Variants in LRRIQ3 observed in about 807,000 individuals in gnomAD.
LRRIQ3 encodes leucine-rich repeat and IQ domain-containing protein 3.
Under a neutral mutation model 59.3 loss-of-function variants are expected in LRRIQ3, and 75 were observed. That is an observed-to-expected ratio of 1.26 (90% CI 1.05 to 1.53). LRRIQ3 has a LOEUF of 1.53. LRRIQ3 is among the 40% of genes most tolerant of loss of function. The probability of loss-of-function intolerance (pLI) is 0.00; values close to 1 mark genes in which losing one functional copy is unlikely to be tolerated. For synonymous variants in LRRIQ3, 250 were observed against 231.3 expected (o/e 1.08, Z -0.73); for missense variants, 831 against 710.0 (o/e 1.17, Z -1.94).
At chr1:74,094,337 T>A (rs576361744) in intron 5 of LRRIQ3, among the ~76,000 whole-genome samples, 1 of 152,124 alleles carries the variant, frequency 6.6e-6, no homozygotes, top group South Asian at 2.1e-4. Flanking sequence ...GAGTTGATTA[T>A]TGTGGTGTGC....
chr1:74,034,362 C>T (rs1041311979), intron 7 of LRRIQ3, among the ~76,000 whole-genome samples: 2 of 151,858 alleles, frequency 1.3e-5, no homozygotes, highest in African/African-American at 4.8e-5. Context: ...AAAACATTGC[C>T]CTATTCTTAT....
intron 5 of LRRIQ3, among the ~76,000 whole-genome samples, chr1:74,099,177 A>T (rs1216215321): frequency 1.3e-5 from 2 of 152,300 alleles, no homozygotes; most frequent in East Asian, 3.9e-4. Context: ...ATAAAGAAGA[A>T]AAGAGACAAG....
At chr1:74,153,178 G>A (rs1426962065) in intron 4 of LRRIQ3, among the ~76,000 whole-genome samples, 2 of 151,942 alleles carry the variant, frequency 1.3e-5, no homozygotes, top group Non-Finnish European at 2.9e-5. Context: ...CGTAGGTTTA[G>A]GAGGCTATCA....
intron 4 of LRRIQ3, among the ~76,000 whole-genome samples, chr1:74,151,575 G>C (rs1647964834): frequency 7.1e-6 from 1 of 141,312 alleles, no homozygotes; most frequent in African/African-American, 2.6e-5. Flanking sequence ...AAAACAAATA[G>C]AACAGAAGCT....
At chr1:74,187,231 T>C (rs938446623) in intron 1 of LRRIQ3, among the ~76,000 whole-genome samples, 1 of 152,078 alleles carries the variant, frequency 6.6e-6, no homozygotes. Flanking sequence ...TGAACATACA[T>C]GTTTATAGCA....
intron 5 of LRRIQ3, among the ~76,000 whole-genome samples, chr1:74,092,589 C>A (rs148298235): frequency 1.3e-5 from 2 of 151,736 alleles, no homozygotes; most frequent in African/African-American, 4.8e-5. Context: ...AAACAAATAC[C>A]GTAATTGAGT....
At chr1:74,084,804 A>C (rs1439386537) in intron 5 of LRRIQ3, among the ~76,000 whole-genome samples, 1 of 151,770 alleles carries the variant, frequency 6.6e-6, no homozygotes, top group South Asian at 2.1e-4. Flanking sequence ...ATAACCCTTA[A>C]GAATCTACTA....
At chr1:74,065,759 TG>T (rs1380705675) in intron 6 of LRRIQ3, among the ~76,000 whole-genome samples, 6 of 152,166 alleles carry the variant, frequency 3.9e-5, no homozygotes, top group Admixed American at 3.9e-4. Context: ...CCTCATAAAA[TG>T]TATAATCATG....
Position 74,026,196 on chromosome 1 carries a change from C to CA in LRRIQ3, c.*616dup, listed in dbSNP as rs1026487408. The CA allele has an allele frequency of 2.6e-5, 4 of 151,940 alleles. No homozygotes were observed. The allele number at this position is 151,940 out of a possible 1,614,324, so 9.4% of individuals were successfully genotyped here. ...GTCTTCACATGTATACCAAACAGGG[C>CA]AAACCCATCAAAAGTAAATATACAA... is the stretch of plus-strand genomic sequence containing the variant. On this transcript the variant is annotated 3_prime_UTR_variant, in exon 8 of 8. Transcript: ENST00000354431.
intron 4 of LRRIQ3, among the ~76,000 whole-genome samples, chr1:74,144,735 T>A (rs924521488): frequency 1.1e-4 from 17 of 151,978 alleles, no homozygotes; most frequent in Non-Finnish European, 2.2e-4. Context: ...TTTTAAGTTA[T>A]AAAAACCATT....
At chr1:74,034,352 A>G (rs910281788) in intron 7 of LRRIQ3, among the ~76,000 whole-genome samples, 1 of 152,018 alleles carries the variant, frequency 6.6e-6, no homozygotes, top group African/African-American at 2.4e-5. Context: ...TCGCATAACC[A>G]AAACATTGCC....
At position 74,031,254 on chromosome 1, in the gene LRRIQ3, A is replaced by C. The variant is rs1653701327; in HGVS notation, c.1719-4285T>G. 2.0e-5 allele frequency among the ~76,000 whole-genome samples: 3 copies of C among 152,314 alleles called. No homozygotes were observed. In the South Asian group the frequency reaches 6.2e-4, roughly 32 times the overall value. ...AAATACCATTTGACCCAGCCATCCCATTACTGGGTATATACCCAAAGGATT... is the reference window on the plus strand; with the variant it reads ...AAATACCATTTGACCCAGCCATCCCCTTACTGGGTATATACCCAAAGGATT... On this transcript the variant is annotated intron_variant, in intron 7 of 7. Coordinates refer to ENST00000354431, the MANE Select transcript of LRRIQ3 (RefSeq NM_001105659.2).
intron 4 of LRRIQ3, among the ~76,000 whole-genome samples, chr1:74,132,902 G>C (rs1301655664): frequency 2.0e-5 from 3 of 152,192 alleles, no homozygotes; most frequent in African/African-American, 7.2e-5. Flanking sequence ...CACAGCAAAA[G>C]AAACTACCAT....
intron 5 of LRRIQ3, among the ~76,000 whole-genome samples, chr1:74,105,092 G>A (rs1346870250): frequency 3.3e-5 from 5 of 151,774 alleles, no homozygotes; most frequent in Non-Finnish European, 5.9e-5. Flanking sequence ...CAATAAAAAC[G>A]TTTTTATTTT....
At chr1:74,150,968 A>G (rs35772766) in intron 4 of LRRIQ3, among the ~76,000 whole-genome samples, 11 of 150,658 alleles carry the variant, frequency 7.3e-5, no homozygotes, top group African/African-American at 2.7e-4. Context: ...TGTGAAAGTC[A>G]CAGAAATTTA....
At chr1:74,115,330 C>A (rs76582038) in intron 4 of LRRIQ3, among the ~76,000 whole-genome samples, 148 of 152,180 alleles carry the variant, frequency 9.7e-4, no homozygotes, top group African/African-American at 3.5e-3. Flanking sequence ...TTAAATTTAA[C>A]TTTTAAAAAC....
intron 5 of LRRIQ3, among the ~76,000 whole-genome samples, chr1:74,106,822 A>G (rs1251918157): frequency 1.3e-5 from 2 of 151,970 alleles, no homozygotes; most frequent in Non-Finnish European, 2.9e-5. Flanking sequence ...TTTTCCTTCA[A>G]TTGGATTTAA....
intron 6 of LRRIQ3, among the ~76,000 whole-genome samples, chr1:74,056,256 GC>G (rs1654533559): frequency 6.6e-6 from 1 of 151,968 alleles, no homozygotes; most frequent in Non-Finnish European, 1.5e-5. Flanking sequence ...CAAAACCATA[GC>G]TCATATCATA....
At chr1:74,154,237 TCTCAAAAAAAAAAAAA>T (rs1648171628) in intron 4 of LRRIQ3, among the ~76,000 whole-genome samples, 1 of 44,570 alleles carries the variant, frequency 2.2e-5, no homozygotes, top group Non-Finnish European at 3.7e-5. Context: ...CGAGACTCCT[TCTCAAAAAAAAAAAAA>T]AAAAAAAAAA....
Sources: gnomAD v4.1 joint callset for allele counts (sites outside exome capture counted in the v4.1 genomes callset) on GRCh38, gnomAD v4.1.1 for gene constraint, MANE v1.5 for transcripts, NCBI Gene and HGNC (gene_info 2026-07-23, HGNC 2026-07-21) for gene names.